HFM1: variants seen among roughly 807,000 people sequenced by gnomAD.
HFM1 encodes probable ATP-dependent DNA helicase HFM1.
HFM1 carries 169 observed loss-of-function variants against 192.1 expected under a neutral mutation model. The observed-to-expected ratio is 0.88, with a 90% CI of 0.78 to 1.00. The LOEUF is 1.00. Among genes scored for constraint, HFM1 ranks in the 50% least tolerant of loss-of-function variants. HFM1 has a pLI of 0.00. For missense variants in HFM1, 1,661 were observed against 1,668.0 expected, an observed-to-expected ratio of 1.00 and a Z score of 0.07; for synonymous variants, 525 against 537.8, an observed-to-expected ratio of 0.98 and a Z score of 0.33.
At chr1:91,328,088 A>G (rs1653190865) in intron 20 of HFM1, among the ~76,000 whole-genome samples, 1 of 152,230 alleles carries the variant, frequency 6.6e-6, no homozygotes, top group African/African-American at 2.4e-5. Context: ...ACCAAACACA[A>G]AATTAGTAGA....
At chr1:91,327,215 A>T (rs192337981) in intron 20 of HFM1, among the ~76,000 whole-genome samples, 109 of 152,328 alleles carry the variant, frequency 7.2e-4, no homozygotes, top group Non-Finnish European at 1.0e-3. Flanking sequence ...AAAGTCTCCA[A>T]TAAAAATACA....
chr1:91,347,066 G>A lies in HFM1; in HGVS notation c.2254+363C>T, dbSNP rs373317388. Among the ~76,000 whole-genome samples the A allele has an allele frequency of 1.6e-4, 25 of 152,146 alleles. No homozygotes were observed. The East Asian group carries it at 2.3e-3, about 14-fold the overall frequency. On this transcript the variant is annotated intron_variant, in intron 19 of 38. Coordinates refer to ENST00000370425, the MANE Select transcript of HFM1 (RefSeq NM_001017975.6). ...CAAGGTTACAATGAGCTATGATCAC[G>A]CCACTGCATTCCATCCTGGGTGACA...
In HFM1 at chr1:91,288,048, T is replaced by G. The variant is rs1405120619; in HGVS notation, c.3392-10986A>C. On this transcript the variant is annotated intron_variant, in intron 30 of 38. Coordinates refer to ENST00000370425, the MANE Select transcript of HFM1 (RefSeq NM_001017975.6). ...AAATCTACGTCTGATTGGTGTACCTTAAAGTGACGGGGAGAATGGAACCAA... is the reference window on the plus strand; with the variant it reads ...AAATCTACGTCTGATTGGTGTACCTGAAAGTGACGGGGAGAATGGAACCAA... Among the ~76,000 whole-genome samples the G allele has an allele frequency of 9.9e-5, 15 of 151,898 alleles. No homozygotes were observed. In the East Asian group the frequency reaches 1.6e-3, roughly 16 times the overall value.
chr1:91,306,369 T>G (rs1234013142), intron 30 of HFM1, among the ~76,000 whole-genome samples: 2 of 152,132 alleles, frequency 1.3e-5, no homozygotes, highest in Non-Finnish European at 1.5e-5. Flanking sequence ...GAAGTTCCCT[T>G]CTATTTCTAG....
chr1:91,284,253 T>A (rs1045281154), intron 30 of HFM1, among the ~76,000 whole-genome samples: 56 of 151,428 alleles, frequency 3.7e-4, no homozygotes, highest in East Asian at 2.3e-3. Flanking sequence ...TATTATTATT[T>A]TTTTTTTGAG....
At position 91,324,733 on chromosome 1, in the gene HFM1, G is replaced by A; in HGVS notation, c.2369C>T (p.Thr790Ile). 1.3e-6 allele frequency: 2 copies of A among 1,572,988 alleles called. No individual in the cohort carries two copies. The highest frequency in any genetic ancestry group is 1.1e-5 in the South Asian group (1 of 90,010). Reference protein sequence around the residue: ...AGRLMAWYYITFETVKKFYTI... With the variant: ...AGRLMAWYYIIFETVKKFYTI... Reference sequence around the variant, plus strand: ...ATAAAATTTCTTCACTGTCTCAAATGTAATATAATACCAAGCCATCAATCT... The same window carrying A: ...ATAAAATTTCTTCACTGTCTCAAATATAATATAATACCAAGCCATCAATCT... Residue 790 changes from threonine (T) to isoleucine (I), a missense_variant, in exon 21 of 39, where the codon ACA becomes ATA. Thr to Ile is a moderately conservative substitution (Grantham distance 89). Transcript: ENST00000370425.
Position 91,313,998 on chromosome 1 carries a change from T to G in HFM1, c.3203A>C (p.Lys1068Thr). The G allele has an allele frequency of 6.2e-7, 1 of 1,610,126 alleles. No individual in the cohort carries two copies. Among genetic ancestry groups the G allele is most frequent in the Non-Finnish European group, 8.5e-7 (1 of 1,177,402 alleles). The change falls in exon 29 of 39, where the codon AAA becomes ACA. Residue 1068 changes from lysine (K) to threonine (T), a missense_variant. Transcript: ENST00000370425. Reference protein sequence around the residue: ...AKKIAVKRALKSEDLSINLIS... With the variant: ...AKKIAVKRALTSEDLSINLIS... ...TAGATTTATGCTAAGATCTTCAGATTTAAGAGCTCTTTTCACAGCAATCTT... is the reference window on the plus strand; with the variant it reads ...TAGATTTATGCTAAGATCTTCAGATGTAAGAGCTCTTTTCACAGCAATCTT...
chr1:91,386,964 G>A (rs116266134), intron 4 of HFM1, among the ~76,000 whole-genome samples: 1,642 of 152,274 alleles, frequency 0.011, 38 homozygotes, highest in African/African-American at 0.037. Context: ...CCATTTCAAT[G>A]TAAGAACTAC....
At chr1:91,304,697 T>G (rs1649357762) in intron 30 of HFM1, among the ~76,000 whole-genome samples, 1 of 151,904 alleles carries the variant, frequency 6.6e-6, no homozygotes, top group East Asian at 1.9e-4. Context: ...CAAGCTGGTC[T>G]TGAACTCTTG....
At chr1:91,368,045 G>A (rs959983163) in intron 13 of HFM1, among the ~76,000 whole-genome samples, 2 of 151,970 alleles carry the variant, frequency 1.3e-5, no homozygotes, top group Non-Finnish European at 2.9e-5. Context: ...GAAGTTTAGA[G>A]AAAAAAGAAT....
chr1:91,325,056 C>T (rs1262736520), intron 20 of HFM1, among the ~76,000 whole-genome samples: 2 of 152,082 alleles, frequency 1.3e-5, no homozygotes, highest in African/African-American at 4.8e-5. Flanking sequence ...TCTCTGAGTC[C>T]AGGCCTAGGC....
intron 13 of HFM1, among the ~76,000 whole-genome samples, chr1:91,359,643 A>G (rs975210754): frequency 1.1e-4 from 17 of 152,126 alleles, no homozygotes; most frequent in African/African-American, 4.1e-4. Flanking sequence ...CAAACTTACA[A>G]CTGACTGGTA....
At chr1:91,295,816 G>A (rs902294416) in intron 30 of HFM1, among the ~76,000 whole-genome samples, 3 of 152,058 alleles carry the variant, frequency 2.0e-5, no homozygotes, top group Admixed American at 6.6e-5. Flanking sequence ...CCAAGGTCTC[G>A]AAGACCTATT....
At chr1:91,335,918 C>T (rs1654506448) in intron 20 of HFM1, among the ~76,000 whole-genome samples, 1 of 152,010 alleles carries the variant, frequency 6.6e-6, no homozygotes, top group Admixed American at 6.6e-5. Flanking sequence ...TCAACTTTGC[C>T]AAATGTTCTT....
At chr1:91,285,556 A>G (rs192517417) in intron 30 of HFM1, among the ~76,000 whole-genome samples, 2 of 152,266 alleles carry the variant, frequency 1.3e-5, no homozygotes, top group Admixed American at 6.5e-5. Context: ...GAAAGAGTGT[A>G]TGTATGTTAG....
chr1:91,391,522 A>C (rs1238937416), intron 4 of HFM1, among the ~76,000 whole-genome samples: 2 of 152,238 alleles, frequency 1.3e-5, no homozygotes, highest in Admixed American at 1.3e-4. Flanking sequence ...TATTTAATAA[A>C]TGGTGCTGGG....
chr1:91,357,250 A>G (rs936095790), intron 13 of HFM1, among the ~76,000 whole-genome samples: 1 of 152,194 alleles, frequency 6.6e-6, no homozygotes, highest in African/African-American at 2.4e-5. Context: ...AGGATTATAC[A>G]CCATGGCCAA....
chr1:91,375,028 G>C (rs183619238), intron 13 of HFM1, among the ~76,000 whole-genome samples: 16 of 152,192 alleles, frequency 1.1e-4, no homozygotes, highest in Middle Eastern at 3.4e-3. Flanking sequence ...GAGTGTTTAA[G>C]TAAGGTGGAA....
intron 20 of HFM1, among the ~76,000 whole-genome samples, chr1:91,336,689 T>C (rs1654618269): frequency 6.6e-6 from 1 of 152,202 alleles, no homozygotes; most frequent in African/African-American, 2.4e-5. Context: ...CTATAAGACC[T>C]AGAACCAGAA....
Sources: gnomAD v4.1 joint callset for allele counts (sites outside exome capture counted in the v4.1 genomes callset) on GRCh38, gnomAD v4.1.1 for gene constraint, MANE v1.5 for transcripts, NCBI Gene and HGNC (gene_info 2026-07-23, HGNC 2026-07-21) for gene names.